The following ANO1 variants were observed in gnomAD, a reference collection of about 807,000 sequenced individuals.
ANO1 encodes anoctamin 1.
ANO1 carries 59 observed loss-of-function variants against 124.0 expected under a neutral mutation model. The observed-to-expected ratio is 0.48, with a 90% confidence interval of 0.39 to 0.59. ANO1 has a LOEUF of 0.59. Ranked by LOEUF, ANO1 falls within the 20% of genes least tolerant of loss-of-function variation. The pLI is 0.00. For missense variants in ANO1, 1,059 were observed against 1,328.0 expected (o/e 0.80, Z 3.15); for synonymous variants, 529 against 532.0 (o/e 0.99, Z 0.08).
intron 8 of ANO1, among the ~76,000 whole-genome samples, chr11:70,119,424 C>G (rs1163942362): frequency 7.2e-6 from 1 of 139,398 alleles, no homozygotes; most frequent in Non-Finnish European, 1.5e-5. Flanking sequence ...GGATGGATGC[C>G]TGAGGGATGA....
At chr11:70,034,085 C>G (rs546045987) in intron 1 of ANO1, among the ~76,000 whole-genome samples, 3 of 152,272 alleles carry the variant, frequency 2.0e-5, no homozygotes, top group African/African-American at 7.2e-5. Context: ...CCACCCACTA[C>G]GCAAACCCTG....
chr11:70,117,440 C>T (rs555417413), intron 8 of ANO1, among the ~76,000 whole-genome samples: 11 of 152,184 alleles, frequency 7.2e-5, no homozygotes, highest in African/African-American at 2.6e-4. Flanking sequence ...CCACCCTCTA[C>T]CCCTCACTCT....
At chr11:70,014,425 C>G (rs903716362) in intron 1 of ANO1, among the ~76,000 whole-genome samples, 1 of 152,304 alleles carries the variant, frequency 6.6e-6, no homozygotes, top group South Asian at 2.1e-4. Flanking sequence ...GTGCCCGACT[C>G]CTTTCCCGCA....
chr11:70,073,404 A>G (rs1555009593), upstream of ANO1, among the ~76,000 whole-genome samples: 2 of 152,216 alleles, frequency 1.3e-5, no homozygotes, highest in African/African-American at 4.8e-5. Context: ...AGATGGCTGT[A>G]ATCACCCTAA....
At chr11:70,007,450 G>T (rs1486592533) in intron 1 of ANO1, among the ~76,000 whole-genome samples, 3 of 151,794 alleles carry the variant, frequency 2.0e-5, no homozygotes, top group African/African-American at 7.3e-5. Flanking sequence ...CTAATTTTTA[G>T]TATTTTTATT....
chr11:70,038,992 A>G (rs555573547), intron 1 of ANO1, among the ~76,000 whole-genome samples: 32 of 152,294 alleles, frequency 2.1e-4, no homozygotes, highest in African/African-American at 6.7e-4. Flanking sequence ...GTTATCTCTC[A>G]GGGAAAAAGG....
intron 2 of ANO1, among the ~76,000 whole-genome samples, chr11:70,094,069 C>T (rs1226543638): frequency 1.3e-5 from 2 of 152,196 alleles, no homozygotes; most frequent in African/African-American, 2.4e-5. Context: ...ATCCTCGAGC[C>T]CACAGAGGGA....
chr11:70,010,154 T>TGC lies in ANO1; in HGVS notation c.58+23989_58+23990insCG, dbSNP rs1565159636. On this transcript the variant is annotated intron_variant, in intron 1 of 27. Coordinates refer to the ANO1 transcript ENST00000531349. ...TCCATGGTGTGTGTGTGTGTGTGTGTGTGTGTGTGTGCGCGTGTGTGTGTG... is the reference window on the plus strand; with the variant it reads ...TCCATGGTGTGTGTGTGTGTGTGTGTGCGTGTGTGTGTGCGCGTGTGTGTGTG... 1.2e-4 allele frequency among the ~76,000 whole-genome samples: 8 copies of TGC among 64,398 alleles called. No homozygotes were observed. The South Asian group carries it at 3.8e-3, about 31-fold the overall frequency. The allele number at this position is 64,398 out of a possible 152,430, so 42.2% of individuals were successfully genotyped here.
chr11:70,054,219 G>A (rs780686141), intron 1 of ANO1, among the ~76,000 whole-genome samples: 2 of 152,138 alleles, frequency 1.3e-5, no homozygotes, highest in Admixed American at 6.5e-5. Flanking sequence ...CACCCCTTCC[G>A]AGACCATGCC....
intron 1 of ANO1, among the ~76,000 whole-genome samples, chr11:70,032,531 G>A (rs1019821269): frequency 3.7e-5 from 5 of 134,438 alleles, no homozygotes; most frequent in Non-Finnish European, 4.9e-5. Flanking sequence ...GAGGGAGGCG[G>A]GAGAGGGGGG....
At chr11:70,093,496 C>T (rs117987680) in intron 2 of ANO1, among the ~76,000 whole-genome samples, 2,377 of 152,312 alleles carry the variant, frequency 0.016, 39 homozygotes, top group Non-Finnish European at 0.024. Context: ...GGGGTCATTG[C>T]GGAGAACGCC....
chr11:70,094,528 C>T (rs1435332056), intron 2 of ANO1, among the ~76,000 whole-genome samples: 1 of 152,210 alleles, frequency 6.6e-6, no homozygotes, highest in Non-Finnish European at 1.5e-5. Context: ...GCTCATGAGA[C>T]TTGTCAGTTC....
At position 70,088,050 on chromosome 11, in the gene ANO1, TG is replaced by T; in HGVS notation, c.409del (p.Glu137ArgfsTer20). 7.1e-7 allele frequency: 1 copy of T among 1,415,606 alleles called. No homozygotes were observed. The allele number at this position is 1,415,606 out of a possible 1,614,324, so 87.7% of individuals were successfully genotyped here. On this transcript the variant is annotated frameshift_variant, in exon 2 of 26. Coordinates refer to ENST00000355303, the MANE Select transcript of ANO1 (RefSeq NM_018043.7). LOFTEE classifies it high-confidence loss of function. ...FRREEYEGNLLEAGLELERDE... is the reference protein window; with the variant it reads ...FRREEYEGNLXEAGLELERDE... ...AGGGAGGAGTACGAGGGCAACCTCC[TG>T]GAGGCGGGCCTGGAGCTGGAGCGGG...
chr11:70,048,443 G>A lies in ANO1; in HGVS notation c.59-30099G>A, dbSNP rs375353122. ...GGTTATGGAAGTCATCTCTGCTTGC[G>A]CTTAATCAAGTTTTTGAGATTAGGC... On this transcript the variant is annotated intron_variant, in intron 1 of 27. Coordinates refer to the ANO1 transcript ENST00000531349. Among the ~76,000 whole-genome samples the A allele has an allele frequency of 4.6e-5, 7 of 151,982 alleles. No homozygotes were observed. In the South Asian group the frequency reaches 1.5e-3, roughly 32 times the overall value.
chr11:70,029,192 G>A (rs1224681931), intron 1 of ANO1, among the ~76,000 whole-genome samples: 2 of 152,208 alleles, frequency 1.3e-5, no homozygotes, highest in African/African-American at 4.8e-5. Context: ...GAGCAAATGA[G>A]GCACGAGCAG....
In ANO1 at chr11:70,078,558, G is replaced by A. The variant is rs1028896607; in HGVS notation, c.-49G>A. The A allele has an allele frequency of 2.2e-6, 3 of 1,346,144 alleles. No individual in the cohort carries two copies. The highest frequency in any genetic ancestry group is 3.0e-6 in the Non-Finnish European group (3 of 1,014,800). 83.4% of individuals were successfully genotyped at this position (1,346,144 alleles called of 1,614,324 possible). A position where few individuals can be genotyped will look rare whatever the true frequency, so the allele number is the denominator to read the frequency against. ...CGCCCGCAGAGGCCGCCGGGGCCGT[G>A]GATGGGGAGGGCGCGCCGCCCGGCG... On this transcript the variant is annotated 5_prime_UTR_variant, in exon 1 of 26. Transcript: ENST00000355303.
At chr11:70,070,108 C>T (rs1176103037) in intron 1 of ANO1, among the ~76,000 whole-genome samples, 1 of 152,168 alleles carries the variant, frequency 6.6e-6, no homozygotes, top group Non-Finnish European at 1.5e-5. Context: ...GCTCTCTCTT[C>T]CTTATGTTTT....
At chr11:70,012,467 A>G (rs1254493596) in intron 1 of ANO1, among the ~76,000 whole-genome samples, 1 of 130,666 alleles carries the variant, frequency 7.7e-6, no homozygotes, top group Non-Finnish European at 1.6e-5. Context: ...TTTGTCCACA[A>G]ATTCATCTAT....
intron 21 of ANO1, among the ~76,000 whole-genome samples, chr11:70,169,259 C>T (rs1201722911): frequency 6.6e-6 from 1 of 152,140 alleles, no homozygotes; most frequent in Non-Finnish European, 1.5e-5. Flanking sequence ...GAGCAGGCGC[C>T]TCCTGCCCAC....
Sources: allele counts gnomAD v4.1 joint callset (sites outside exome capture counted in the v4.1 genomes callset), GRCh38; gene constraint gnomAD v4.1.1; transcripts MANE v1.5; gene names NCBI Gene and HGNC (gene_info 2026-07-23, HGNC 2026-07-21).